The following LTBP1 variants were observed in gnomAD, a reference collection of about 807,000 sequenced individuals.
The protein encoded by LTBP1 is latent transforming growth factor beta binding protein 1.
In LTBP1, 129 loss-of-function variants were observed where a neutral mutation model predicts 207.6. The observed-to-expected ratio is 0.62, with a 90% CI of 0.54 to 0.72. The LOEUF is 0.72. LTBP1 is among the 30% of genes least tolerant of loss of function. The probability of loss-of-function intolerance (pLI) is 0.00; values close to 1 mark genes in which losing one functional copy is unlikely to be tolerated. For missense variants in LTBP1, 2,281 were observed against 2,217.2 expected, an observed-to-expected ratio of 1.03 and a Z score of -0.58; for synonymous variants, 963 against 833.7, an observed-to-expected ratio of 1.16 and a Z score of -2.67.
rs1572791546 is a variant in LTBP1 at position 33,134,745 on chromosome 2, C to T, written c.1034-48C>T. ...ACCTTCCAAGGCAAGTTCATGGATACTAAGCTGATGTGTTTGTTGTTCTTT... is the reference window on the plus strand; with the variant it reads ...ACCTTCCAAGGCAAGTTCATGGATATTAAGCTGATGTGTTTGTTGTTCTTT... On this transcript the variant is annotated intron_variant, in intron 4 of 33. Coordinates refer to ENST00000404816, the MANE Select transcript of LTBP1 (RefSeq NM_206943.4). This position sits in a 1 kb window ranked among gnomAD's most constrained non-coding sequence, Gnocchi z 4.4. The T allele has an allele frequency of 6.2e-7, 1 of 1,613,904 alleles. No homozygotes were observed. Among genetic ancestry groups the T allele is most frequent in the African/African-American group, 1.3e-5 (1 of 74,936 alleles).
chr2:33,345,984 C>A (rs1215309664), intron 25 of LTBP1, among the ~76,000 whole-genome samples: 1 of 152,182 alleles, frequency 6.6e-6, no homozygotes, highest in Non-Finnish European at 1.5e-5. Flanking sequence ...ATTAGCCTTT[C>A]TTTAGGGCTG....
At chr2:32,974,795 G>A (rs147889199) in intron 2 of LTBP1, among the ~76,000 whole-genome samples, 3 of 152,168 alleles carry the variant, frequency 2.0e-5, no homozygotes, top group African/African-American at 7.2e-5. Context: ...TAGGTATCTT[G>A]AAGACGGTAT....
In LTBP1 at chr2:33,293,215, T is replaced by C. The variant is rs780909000; in HGVS notation, c.3168T>C (p.Leu1056=). Reference sequence around the variant, plus strand: ...GCGCAAATGGTGATTGTTCCAACCTTGAAGGCTCCTACATGTGTTCATGCC... The same window carrying C: ...GCGCAAATGGTGATTGTTCCAACCTCGAAGGCTCCTACATGTGTTCATGCC... ...NVCANGDCSN[L]EGSYMCSCHK... The change falls in exon 20 of 34, where the codon CTT becomes CTC. Residue 1056 remains leucine, a synonymous_variant. Coordinates refer to ENST00000404816, the MANE Select transcript of LTBP1 (RefSeq NM_206943.4). The C allele has an allele frequency of 9.3e-6, 15 of 1,614,006 alleles. No homozygotes were observed. The highest frequency in any genetic ancestry group is 1.3e-5 in the African/African-American group (1 of 74,922).
At chr2:33,074,135 T>A (rs929770307) in intron 3 of LTBP1, among the ~76,000 whole-genome samples, 1 of 152,216 alleles carries the variant, frequency 6.6e-6, no homozygotes, top group Non-Finnish European at 1.5e-5. Flanking sequence ...AGATGTTGAT[T>A]ATATTTGGCT....
At chr2:33,297,098 T>C (rs2093891427) in intron 20 of LTBP1, among the ~76,000 whole-genome samples, 1 of 152,226 alleles carries the variant, frequency 6.6e-6, no homozygotes, top group Non-Finnish European at 1.5e-5. Flanking sequence ...CTTGAAGTAC[T>C]GAATACAAAG....
intron 31 of LTBP1, among the ~76,000 whole-genome samples, chr2:33,366,992 C>G (rs184869200): frequency 6.6e-6 from 1 of 152,132 alleles, no homozygotes; most frequent in Admixed American, 6.6e-5. Context: ...ATATTCCCCT[C>G]CACCTACCCC....
At chr2:33,322,183 A>T (rs1239109868) in intron 24 of LTBP1, among the ~76,000 whole-genome samples, 3 of 152,026 alleles carry the variant, frequency 2.0e-5, no homozygotes. Context: ...AGAGCTATGG[A>T]AATCATCTGT....
intron 33 of LTBP1, among the ~76,000 whole-genome samples, chr2:33,397,789 T>TG (rs945946529): frequency 3.3e-5 from 5 of 151,756 alleles, no homozygotes; most frequent in African/African-American, 1.2e-4. Context: ...CCCAAAGTGC[T>TG]GGGATTACAG....
chr2:33,110,439 G>A (rs150611416), intron 3 of LTBP1, 143 bp from the exon 4 acceptor site: 30 of 667,482 alleles, frequency 4.5e-5, no homozygotes, highest in African/African-American at 2.9e-4. Flanking sequence ...AGTGGTCAGC[G>A]ACAGTATTTG....
intron 31 of LTBP1, among the ~76,000 whole-genome samples, chr2:33,382,952 A>G (rs1199893505): frequency 3.3e-5 from 5 of 152,254 alleles, no homozygotes; most frequent in Admixed American, 3.3e-4. Flanking sequence ...TATTGTGGCA[A>G]TACCCAAGGA....
chr2:33,338,368 T>G (rs1395735350), intron 24 of LTBP1, among the ~76,000 whole-genome samples: 1 of 152,184 alleles, frequency 6.6e-6, no homozygotes, highest in African/African-American at 2.4e-5. Flanking sequence ...CTGCTATAAT[T>G]GCATAGAATT....
In LTBP1 at chr2:33,014,362, A is replaced by G. The variant is rs377171306; in HGVS notation, c.566-6547A>G. 2.5e-4 allele frequency among the ~76,000 whole-genome samples: 38 copies of G among 152,310 alleles called. 1 individual carries two copies. The South Asian group carries it at 7.9e-3, about 32-fold the overall frequency. On this transcript the variant is annotated intron_variant, in intron 2 of 33. Transcript: ENST00000404816. ...GATTTGGTACAAGGAGCAAGCAGAC[A>G]GAGTAGACTAAAATGTGTGACCTCA...
chr2:33,160,212 G>A (rs941965857), intron 5 of LTBP1, among the ~76,000 whole-genome samples: 8 of 152,138 alleles, frequency 5.3e-5, no homozygotes, highest in Non-Finnish European at 1.5e-5. Flanking sequence ...TCCAGAGAAA[G>A]AATTCAACTT....
intron 2 of LTBP1, among the ~76,000 whole-genome samples, chr2:32,955,095 A>T (rs1677867554): frequency 1.3e-5 from 2 of 152,254 alleles, no homozygotes; most frequent in African/African-American, 4.8e-5. Context: ...TTTAACAAGC[A>T]TCCCAAATCA....
chr2:33,119,756 C>A (rs1488959719), intron 4 of LTBP1, among the ~76,000 whole-genome samples: 1 of 152,064 alleles, frequency 6.6e-6, no homozygotes, highest in African/African-American at 2.4e-5. Flanking sequence ...GGCGGGGTTT[C>A]ACCATATTAG....
intron 15 of LTBP1, among the ~76,000 whole-genome samples, chr2:33,268,450 G>A (rs1435029064): frequency 2.0e-5 from 3 of 152,202 alleles, no homozygotes; most frequent in Non-Finnish European, 4.4e-5. Context: ...GGTGAAATTG[G>A]AAGTAGCCTT....
At chr2:33,220,831 G>A (rs1439019371) in intron 8 of LTBP1, among the ~76,000 whole-genome samples, 1 of 152,144 alleles carries the variant, frequency 6.6e-6, no homozygotes, top group Non-Finnish European at 1.5e-5. Context: ...TTTCCCAGAT[G>A]CCTCACTCTG....
chr2:33,037,610 A>G (rs1573231622), intron 3 of LTBP1, among the ~76,000 whole-genome samples: 1 of 152,108 alleles, frequency 6.6e-6, no homozygotes, highest in East Asian at 1.9e-4. Flanking sequence ...CTGATTTGGC[A>G]CTTTTATTTT....
At chr2:33,370,274 A>G (rs2095051043) in intron 31 of LTBP1, among the ~76,000 whole-genome samples, 1 of 152,258 alleles carries the variant, frequency 6.6e-6, no homozygotes, top group Non-Finnish European at 1.5e-5. Flanking sequence ...ACAGTTACCT[A>G]ATAGCATGTG....
Sources: gnomAD v4.1 joint callset for allele counts (sites outside exome capture counted in the v4.1 genomes callset) on GRCh38, gnomAD v4.1.1 for gene constraint, Gnocchi (gnomAD v3.1) non-coding constraint, MANE v1.5 for transcripts, NCBI Gene and HGNC (gene_info 2026-07-23, HGNC 2026-07-21) for gene names.